LRRC3B: variants seen among roughly 807,000 people sequenced by gnomAD.
The protein encoded by LRRC3B is leucine-rich repeat-containing protein 3B.
A neutral mutation model predicts 12.8 loss-of-function variants in LRRC3B; 2 were observed. The ratio of observed to expected loss-of-function variants is 0.16; its 90% CI spans 0.06 to 0.49. The LOEUF (loss-of-function observed/expected upper bound fraction) is 0.49. Ranked by LOEUF, LRRC3B falls within the 20% of genes least tolerant of loss-of-function variation. The probability of loss-of-function intolerance (pLI) is 0.96; values close to 1 mark genes in which losing one functional copy is unlikely to be tolerated. For synonymous variants in LRRC3B, 132 were observed against 122.0 expected, an observed-to-expected ratio of 1.08 and a Z score of -0.54; for missense variants, 189 against 319.4, an observed-to-expected ratio of 0.59 and a Z score of 3.11.
At chr3:26,673,809 G>A (rs1210185740) in intron 1 of LRRC3B, among the ~76,000 whole-genome samples, 1 of 152,144 alleles carries the variant, frequency 6.6e-6, no homozygotes, top group African/African-American at 2.4e-5. Context: ...AGCTCTAGGA[G>A]AGTTTTCTTA....
At chr3:26,625,401 G>A (rs1270259436) in intron 1 of LRRC3B, 1 of 152,292 alleles carries the variant, frequency 6.6e-6, no homozygotes, top group Non-Finnish European at 1.5e-5. Flanking sequence ...GCAGAACGGG[G>A]ATTCCCTGTG....
intron 1 of LRRC3B, among the ~76,000 whole-genome samples, chr3:26,674,416 T>A (rs546996902): frequency 4.6e-5 from 7 of 152,320 alleles, no homozygotes; most frequent in South Asian, 2.1e-4. Flanking sequence ...TAAAGTAAAA[T>A]ATTGGTATTA....
At chr3:26,660,264 C>G (rs185794343) in intron 1 of LRRC3B, among the ~76,000 whole-genome samples, 1 of 152,252 alleles carries the variant, frequency 6.6e-6, no homozygotes, top group African/African-American at 2.4e-5. Flanking sequence ...TTTTCTCTGT[C>G]AGAAAGGCAT....
At chr3:26,669,844 C>G (rs1238594247) in intron 1 of LRRC3B, among the ~76,000 whole-genome samples, 1 of 152,058 alleles carries the variant, frequency 6.6e-6, no homozygotes, top group Non-Finnish European at 1.5e-5. Flanking sequence ...GTTTATGTTG[C>G]TTTGGTTTGG....
intron 1 of LRRC3B, among the ~76,000 whole-genome samples, chr3:26,692,029 C>T (rs2125450099): frequency 6.6e-6 from 1 of 152,320 alleles, no homozygotes; most frequent in Admixed American, 6.5e-5. Context: ...GCTATCCACA[C>T]ATGTCCACTA....
At chr3:26,676,745 C>A (rs1699868509) in intron 1 of LRRC3B, among the ~76,000 whole-genome samples, 1 of 152,154 alleles carries the variant, frequency 6.6e-6, no homozygotes, top group South Asian at 2.1e-4. Flanking sequence ...CGGGTATATA[C>A]CCAAAGGATT....
intron 1 of LRRC3B, among the ~76,000 whole-genome samples, chr3:26,671,928 G>C (rs774402362): frequency 4.6e-5 from 7 of 152,042 alleles, no homozygotes; most frequent in Non-Finnish European, 8.8e-5. Context: ...AAATGTTGTC[G>C]CTTTTGAACA....
chr3:26,674,324 C>G (rs564891214), intron 1 of LRRC3B, among the ~76,000 whole-genome samples: 5 of 152,238 alleles, frequency 3.3e-5, no homozygotes, highest in South Asian at 2.1e-4. Context: ...AAAACATTTA[C>G]TTATGAATGT....
chr3:26,635,182 T>C lies in LRRC3B; in HGVS notation c.-161+11945T>C, dbSNP rs553486417. On this transcript the variant is annotated intron_variant, in intron 1 of 1. Coordinates refer to ENST00000396641, the Ensembl canonical transcript of LRRC3B. ...ACCTGGACCTCAGGACTGCAGTGTC[T>C]GATGCCTCTATAGCTCCCATTTCCT... Among the ~76,000 whole-genome samples the C allele has an allele frequency of 5.3e-5, 8 of 152,280 alleles. No individual in the cohort carries two copies. The South Asian group carries it at 1.7e-3, about 32-fold the overall frequency.
intron 1 of LRRC3B, among the ~76,000 whole-genome samples, chr3:26,662,383 G>A (rs1452092862): frequency 6.6e-6 from 1 of 152,070 alleles, no homozygotes; most frequent in Non-Finnish European, 1.5e-5. Flanking sequence ...ATATTGAAAT[G>A]TATTACTCCG....
chr3:26,691,129 A>ATG (rs1700185699), intron 1 of LRRC3B, among the ~76,000 whole-genome samples: 1 of 143,588 alleles, frequency 7.0e-6, no homozygotes, highest in African/African-American at 2.5e-5. Flanking sequence ...ATATATATAT[A>ATG]TATATGAGAC....
chr3:26,660,869 A>T (rs938155923), intron 1 of LRRC3B, among the ~76,000 whole-genome samples: 7 of 152,142 alleles, frequency 4.6e-5, no homozygotes, highest in Non-Finnish European at 7.4e-5. Context: ...TACAATGGAG[A>T]TAATAAGAAT....
intron 1 of LRRC3B, among the ~76,000 whole-genome samples, chr3:26,646,837 A>G (rs1163501557): frequency 4.6e-5 from 7 of 152,128 alleles, no homozygotes; most frequent in African/African-American, 1.7e-4. Context: ...TCAGATGTAC[A>G]GGATTTGGAG....
intron 1 of LRRC3B, among the ~76,000 whole-genome samples, chr3:26,643,399 C>A (rs994298289): frequency 6.6e-6 from 1 of 151,826 alleles, no homozygotes; most frequent in African/African-American, 2.4e-5. Flanking sequence ...GTGTGATATA[C>A]CTGTATAGAT....
At chr3:26,656,268 A>G (rs1294011943) in intron 1 of LRRC3B, among the ~76,000 whole-genome samples, 1 of 152,134 alleles carries the variant, frequency 6.6e-6, no homozygotes, top group African/African-American at 2.4e-5. Flanking sequence ...CACTATAACA[A>G]ACTGATCCAA....
At chr3:26,700,352 G>C (rs1172989264) in intron 1 of LRRC3B, among the ~76,000 whole-genome samples, 1 of 152,092 alleles carries the variant, frequency 6.6e-6, no homozygotes, top group Admixed American at 6.5e-5. Flanking sequence ...ATAAAAAGTG[G>C]CCAGGAAAAG....
chr3:26,673,545 G>A (rs1236221218), intron 1 of LRRC3B, among the ~76,000 whole-genome samples: 2 of 152,178 alleles, frequency 1.3e-5, no homozygotes, highest in Non-Finnish European at 2.9e-5. Flanking sequence ...ATACTTTCTG[G>A]TGCTTGCCTG....
intron 1 of LRRC3B, among the ~76,000 whole-genome samples, chr3:26,671,373 T>TATAGAGAGAGAGAGAGAGAGAGAGAGAG (rs1261897533): frequency 1.8e-4 from 5 of 28,258 alleles, no homozygotes; most frequent in Non-Finnish European, 3.0e-4. Context: ...TATATATATA[T>TATAGAGAGAGAGAGAGAGAGAGAGAGAG]AGAGAGAGAG....
intron 1 of LRRC3B, among the ~76,000 whole-genome samples, chr3:26,681,060 CT>C (rs1699961133): frequency 6.6e-6 from 1 of 151,978 alleles, no homozygotes; most frequent in Non-Finnish European, 1.5e-5. Flanking sequence ...CTGGAGTAGG[CT>C]TTTTAAAAAA....
Sources: gnomAD v4.1 joint callset for allele counts (sites outside exome capture counted in the v4.1 genomes callset) on GRCh38, gnomAD v4.1.1 for gene constraint, MANE v1.5 for transcripts, NCBI Gene and HGNC (gene_info 2026-07-23, HGNC 2026-07-21) for gene names.